The following NCAM2 variants were observed in gnomAD, a reference collection of about 807,000 sequenced individuals.
NCAM2 encodes neural cell adhesion molecule 2.
A neutral mutation model predicts 98.1 loss-of-function variants in NCAM2; 30 were observed. That is an observed-to-expected ratio of 0.31 (90% CI 0.23 to 0.41). The LOEUF is 0.41. Among genes scored for constraint, NCAM2 ranks in the 10% least tolerant of loss-of-function variants. The pLI, the probability that NCAM2 is intolerant of heterozygous loss-of-function variation, is 1.00. For synonymous variants in NCAM2, 368 were observed against 342.4 expected (o/e 1.07, Z -0.83); for missense variants, 867 against 1,005.8 (o/e 0.86, Z 1.87).
Position 21,433,085 on chromosome 21 carries a change from T to C in NCAM2, c.1654+804T>C, listed in dbSNP as rs149600713. On this transcript the variant is annotated intron_variant, in intron 12 of 17. Transcript: ENST00000400546. ...AAGAGGGAACCAATTCTAGTGAACA[T>C]AGAGAGAAAGCAAATGAAATCATCC... is the stretch of plus-strand genomic sequence containing the variant. Among the ~76,000 whole-genome samples the C allele has an allele frequency of 2.4e-3, 364 of 152,254 alleles. 5 individuals carry two copies. The highest frequency in any genetic ancestry group is 8.3e-3 in the African/African-American group (345 of 41,560).
chr21:21,506,295 G>T (rs1250652511), intron 15 of NCAM2, among the ~76,000 whole-genome samples: 1 of 151,946 alleles, frequency 6.6e-6, no homozygotes, highest in South Asian at 2.1e-4. Flanking sequence ...TATCTAAAAT[G>T]AATACATTTG....
chr21:21,325,001 G>A (rs1280302706), intron 6 of NCAM2, among the ~76,000 whole-genome samples: 1 of 12,270 alleles, frequency 8.1e-5, no homozygotes, highest in African/African-American at 2.4e-4. Context: ...CTCATCAAAT[G>A]AAATTCTGTA....
chr21:21,400,008 G>GA (rs368821315), intron 9 of NCAM2, among the ~76,000 whole-genome samples: 5 of 151,390 alleles, frequency 3.3e-5, no homozygotes, highest in Non-Finnish European at 5.9e-5. Context: ...CTCAGAATAA[G>GA]AAAAAAAAGA....
intron 1 of NCAM2, among the ~76,000 whole-genome samples, chr21:21,256,028 C>T (rs183520175): frequency 6.6e-6 from 1 of 152,118 alleles, no homozygotes; most frequent in South Asian, 2.1e-4. Context: ...GTAGTGTATA[C>T]TGGGTTAGGT....
chr21:21,017,361 G>T (rs2064330670), intron 1 of NCAM2, among the ~76,000 whole-genome samples: 1 of 141,854 alleles, frequency 7.0e-6, no homozygotes, highest in Non-Finnish European at 1.5e-5. Flanking sequence ...AGGAGGTGGA[G>T]GTTGCATTGA....
intron 1 of NCAM2, among the ~76,000 whole-genome samples, chr21:21,266,133 T>C (rs969709759): frequency 1.7e-4 from 26 of 152,144 alleles, no homozygotes; most frequent in Non-Finnish European, 1.0e-4. Flanking sequence ...AAAAATGGTT[T>C]GATTTTAAAA....
intron 1 of NCAM2, among the ~76,000 whole-genome samples, chr21:21,006,657 AG>A (rs1383292243): frequency 6.6e-6 from 1 of 152,206 alleles, no homozygotes; most frequent in Non-Finnish European, 1.5e-5. Flanking sequence ...AATCAACTTA[AG>A]GCCCTTCCTT....
chr21:21,262,522 C>G (rs1249278019), intron 1 of NCAM2, among the ~76,000 whole-genome samples: 3 of 151,926 alleles, frequency 2.0e-5, no homozygotes, highest in Non-Finnish European at 4.4e-5. Flanking sequence ...CTATATTTGA[C>G]TAACCAATGG....
chr21:21,074,861 T>C (rs988538589), intron 1 of NCAM2, among the ~76,000 whole-genome samples: 2 of 152,190 alleles, frequency 1.3e-5, no homozygotes, highest in African/African-American at 4.8e-5. Context: ...TGTGAAACTC[T>C]TCATCATTCT....
chr21:21,431,064 A>AG (rs2077329809), intron 11 of NCAM2, among the ~76,000 whole-genome samples: 1 of 150,390 alleles, frequency 6.6e-6, no homozygotes, highest in South Asian at 2.1e-4. Flanking sequence ...AAAAAAAAAA[A>AG]AAAAAAATTC....
chr21:21,424,162 G>T (rs1007216925), intron 11 of NCAM2, among the ~76,000 whole-genome samples: 2 of 152,088 alleles, frequency 1.3e-5, no homozygotes, highest in Non-Finnish European at 2.9e-5. Flanking sequence ...GTGATATTCA[G>T]AAACTATTCA....
intron 1 of NCAM2, among the ~76,000 whole-genome samples, chr21:21,119,416 GA>G (rs1211754514): frequency 6.6e-6 from 1 of 152,098 alleles, no homozygotes; most frequent in Non-Finnish European, 1.5e-5. Context: ...TTTAATGAAG[GA>G]TTTTTTGCTA....
intron 10 of NCAM2, among the ~76,000 whole-genome samples, chr21:21,410,873 G>A (rs2076842453): frequency 6.7e-6 from 1 of 149,264 alleles, no homozygotes; most frequent in East Asian, 2.0e-4. Flanking sequence ...TGGGTGTGGT[G>A]GTGTGTGCCT....
intron 1 of NCAM2, among the ~76,000 whole-genome samples, chr21:21,024,360 G>T (rs1454672653): frequency 6.6e-6 from 1 of 152,076 alleles, no homozygotes; most frequent in Non-Finnish European, 1.5e-5. Flanking sequence ...AGATGGTTAG[G>T]TTTTGTGTTC....
chr21:21,151,594 A>G (rs902733858), intron 1 of NCAM2, among the ~76,000 whole-genome samples: 4 of 152,036 alleles, frequency 2.6e-5, no homozygotes, highest in African/African-American at 9.7e-5. Context: ...GGTATTTGGA[A>G]GCGCTGGTAG....
chr21:21,200,369 A>G (rs1466399621), intron 1 of NCAM2, among the ~76,000 whole-genome samples: 1 of 151,148 alleles, frequency 6.6e-6, no homozygotes, highest in Non-Finnish European at 1.5e-5. Flanking sequence ...AACTCTCAGG[A>G]ATGGGTTCTG....
intron 9 of NCAM2, among the ~76,000 whole-genome samples, chr21:21,385,020 G>GT (rs200378873): frequency 0.021 from 3,096 of 150,246 alleles, 92 homozygotes; most frequent in African/African-American, 0.072. Flanking sequence ...GTTGAAACTT[G>GT]TTTTTTTTTA....
At chr21:21,300,784 T>A (rs1213905376) in intron 5 of NCAM2, among the ~76,000 whole-genome samples, 1 of 126,454 alleles carries the variant, frequency 7.9e-6, no homozygotes, top group Non-Finnish European at 1.7e-5. Context: ...AATTATTACT[T>A]AGTTTTTTTC....
At chr21:21,339,859 TCTC>T (rs990155120) in intron 8 of NCAM2, among the ~76,000 whole-genome samples, 1 of 151,800 alleles carries the variant, frequency 6.6e-6, no homozygotes, top group African/African-American at 2.4e-5. Context: ...TGTTTCATTT[TCTC>T]CTCATAATGG....
Sources: allele counts gnomAD v4.1 joint callset (sites outside exome capture counted in the v4.1 genomes callset), GRCh38; gene constraint gnomAD v4.1.1; transcripts MANE v1.5; gene names NCBI Gene and HGNC (gene_info 2026-07-23, HGNC 2026-07-21).